UNC79: variants seen among roughly 807,000 people sequenced by gnomAD.
UNC79 encodes protein unc-79 homolog.
UNC79 carries 37 observed loss-of-function variants against 283.1 expected under a neutral mutation model. The observed-to-expected ratio is 0.13, with a 90% CI of 0.10 to 0.17. UNC79 has a LOEUF of 0.17. Among genes scored for constraint, UNC79 ranks in the 10% least tolerant of loss-of-function variants. The probability of loss-of-function intolerance (pLI) is 1.00; values close to 1 mark genes in which losing one functional copy is unlikely to be tolerated. For missense variants in UNC79, 2,272 were observed against 3,211.1 expected (o/e 0.71, Z 7.07); for synonymous variants, 1,107 against 1,200.2 (o/e 0.92, Z 1.61).
At chr14:93,425,351 A>G (rs936572414), upstream of UNC79, among the ~76,000 whole-genome samples, 9 of 152,238 alleles carry the variant, frequency 5.9e-5, no homozygotes, top group African/African-American at 2.2e-4. Flanking sequence ...CCATACCATG[A>G]CACATGGGGA....
chr14:93,364,575 G>A (rs1185927148), intron 1 of UNC79, among the ~76,000 whole-genome samples: 3 of 42,940 alleles, frequency 7.0e-5, no homozygotes, highest in South Asian at 6.5e-4. Flanking sequence ...ACATATACAA[G>A]GAATAGAAAA....
At chr14:93,349,167 ACACT>A (rs1208283799) in intron 1 of UNC79, among the ~76,000 whole-genome samples, 2 of 152,196 alleles carry the variant, frequency 1.3e-5, no homozygotes, top group Non-Finnish European at 1.5e-5. Flanking sequence ...AACAACTGTA[ACACT>A]CACCGTGAAG....
intron 42 of UNC79, among the ~76,000 whole-genome samples, chr14:93,684,648 G>C (rs2074103048): frequency 6.6e-6 from 1 of 152,034 alleles, no homozygotes; most frequent in South Asian, 2.1e-4. Context: ...AAAAAACTTG[G>C]AAGGAAATAT....
chr14:93,664,652 A>G (rs2071970501), intron 40 of UNC79, among the ~76,000 whole-genome samples: 3 of 152,192 alleles, frequency 2.0e-5, no homozygotes, highest in African/African-American at 7.2e-5. Flanking sequence ...TCAGTTTGGG[A>G]ACTGGGAGAA....
chr14:93,694,391 C>T (rs1346523826), exon 47 of UNC79: 1 of 1,610,052 alleles, frequency 6.2e-7, no homozygotes, highest in South Asian at 1.1e-5. Context: ...TGCAGGAATG[C>T]AATTCGACCA....
At chr14:93,427,028 G>A (rs2055746735), upstream of UNC79, among the ~76,000 whole-genome samples, 1 of 152,054 alleles carries the variant, frequency 6.6e-6, no homozygotes, top group Admixed American at 6.6e-5. Context: ...AACTTAATGG[G>A]ATATAAACTA....
chr14:93,609,120 A>G (rs996397525), intron 26 of UNC79, among the ~76,000 whole-genome samples: 1 of 152,188 alleles, frequency 6.6e-6, no homozygotes, highest in Non-Finnish European at 1.5e-5. Flanking sequence ...AATTTAAAGA[A>G]TTTAGGGATC....
At chr14:93,563,336 C>T (rs2062677562) in intron 14 of UNC79, among the ~76,000 whole-genome samples, 1 of 152,166 alleles carries the variant, frequency 6.6e-6, no homozygotes, top group African/African-American at 2.4e-5. Flanking sequence ...TGAATGACTC[C>T]AGCTTCCTTT....
At chr14:93,652,784 T>C (rs1444177063) in intron 35 of UNC79, among the ~76,000 whole-genome samples, 1 of 152,190 alleles carries the variant, frequency 6.6e-6, no homozygotes, top group Non-Finnish European at 1.5e-5. Context: ...CGACTATGGG[T>C]CTGTCTGTCC....
chr14:93,339,477 T>C (rs1888654592), intron 1 of UNC79, among the ~76,000 whole-genome samples: 1 of 152,170 alleles, frequency 6.6e-6, no homozygotes, highest in Non-Finnish European at 1.5e-5. Context: ...TTTTTTGTAT[T>C]TTTAGTAGAG....
chr14:93,613,045 T>A, exon 27 of UNC79: 1 of 1,614,208 alleles, frequency 6.2e-7, no homozygotes, highest in Non-Finnish European at 8.5e-7. Context: ...AATGCGCCTG[T>A]CAACTTGCTT....
At chr14:93,583,408 TC>T (rs1392634992) in intron 20 of UNC79, among the ~76,000 whole-genome samples, 1 of 152,218 alleles carries the variant, frequency 6.6e-6, no homozygotes, top group African/African-American at 2.4e-5. Context: ...CATCATTTCT[TC>T]AGTGAGCAGC....
intron 20 of UNC79, among the ~76,000 whole-genome samples, chr14:93,583,879 C>CA (rs968462126): frequency 6.6e-6 from 1 of 150,584 alleles, no homozygotes; most frequent in African/African-American, 2.5e-5. Flanking sequence ...GATCACGGCT[C>CA]ACTCCAGCCT....
chr14:93,585,581 C>G (rs1195650347), intron 20 of UNC79, among the ~76,000 whole-genome samples: 1 of 152,226 alleles, frequency 6.6e-6, no homozygotes, highest in Admixed American at 6.5e-5. Context: ...GAGAATTTGA[C>G]TGCCGTTGCC....
chr14:93,461,333 T>G (rs1297128748), intron 1 of UNC79, among the ~76,000 whole-genome samples: 1 of 152,212 alleles, frequency 6.6e-6, no homozygotes, highest in African/African-American at 2.4e-5. Flanking sequence ...AAAACTTACG[T>G]TTTATACAAT....
intron 35 of UNC79, among the ~76,000 whole-genome samples, chr14:93,652,709 A>G (rs1426927627): frequency 2.6e-5 from 4 of 152,202 alleles, no homozygotes; most frequent in Non-Finnish European, 5.9e-5. Flanking sequence ...TTCTCTTGGA[A>G]TAAACTCTAC....
At chr14:93,700,913 T>C (rs1187914764) in intron 47 of UNC79, among the ~76,000 whole-genome samples, 4 of 152,202 alleles carry the variant, frequency 2.6e-5, no homozygotes, top group South Asian at 2.1e-4. Context: ...GGTCGTTTTT[T>C]CTCCAGTGTT....
At chr14:93,442,815 A>G (rs1234285657) in intron 1 of UNC79, among the ~76,000 whole-genome samples, 1 of 152,206 alleles carries the variant, frequency 6.6e-6, no homozygotes, top group Non-Finnish European at 1.5e-5. Context: ...CTGGCCGGAC[A>G]TGGTGCCTTA....
chr14:93,625,654 A>G (rs2067515923), intron 30 of UNC79, among the ~76,000 whole-genome samples: 1 of 151,288 alleles, frequency 6.6e-6, no homozygotes, highest in African/African-American at 2.5e-5. Flanking sequence ...TTGTGTATTG[A>G]TCCAAGTATT....
Sources: allele counts gnomAD v4.1 joint callset (sites outside exome capture counted in the v4.1 genomes callset), GRCh38; gene constraint gnomAD v4.1.1; transcripts MANE v1.5; gene names NCBI Gene and HGNC (gene_info 2026-07-23, HGNC 2026-07-21).